BDH1: variants seen among roughly 807,000 people sequenced by gnomAD.
BDH1 encodes 3-hydroxybutyrate dehydrogenase 1.
BDH1 carries 30 observed loss-of-function variants against 33.1 expected under a neutral mutation model. The ratio of observed to expected loss-of-function variants is 0.91; its 90% CI spans 0.68 to 1.23. BDH1 has a LOEUF of 1.23. Ranked by LOEUF, BDH1 falls within the 50% of genes most tolerant of loss-of-function variation. The pLI is 0.00. For missense variants in BDH1, 443 were observed against 464.4 expected, an observed-to-expected ratio of 0.95 and a Z score of 0.42; for synonymous variants, 190 against 183.6, an observed-to-expected ratio of 1.03 and a Z score of -0.28.
intron 3 of BDH1, among the ~76,000 whole-genome samples, chr3:197,535,336 A>G (rs978494012): frequency 2.6e-5 from 4 of 152,212 alleles, no homozygotes; most frequent in Non-Finnish European, 4.4e-5. Flanking sequence ...CATATGTGGT[A>G]GGCAAAATTT....
chr3:197,563,637 T>C (rs1717338123), intron 1 of BDH1, among the ~76,000 whole-genome samples: 1 of 152,190 alleles, frequency 6.6e-6, no homozygotes, highest in African/African-American at 2.4e-5. Flanking sequence ...AATTAAGTAA[T>C]AGATATTTCA....
At chr3:197,553,635 G>C (rs1313199897) in intron 2 of BDH1, among the ~76,000 whole-genome samples, 2 of 152,106 alleles carry the variant, frequency 1.3e-5, no homozygotes, top group East Asian at 1.9e-4. Context: ...GGATGGACTA[G>C]AGCAGAAGCA....
chr3:197,511,779 G>A lies in BDH1; in HGVS notation c.*116C>T. 9.7e-7 allele frequency: 1 copy of A among 1,033,892 alleles called. No individual in the cohort carries two copies. The highest frequency in any genetic ancestry group is 1.4e-6 in the Non-Finnish European group (1 of 716,472). The allele number at this position is 1,033,892 out of a possible 1,614,324, so 64.0% of individuals were successfully genotyped here. Reference sequence around the variant, plus strand: ...CTAGTTAGTGTTAAAACCAGTTATGGGTCTTCCTGGCATGGTGGATAATCC... The same window carrying A: ...CTAGTTAGTGTTAAAACCAGTTATGAGTCTTCCTGGCATGGTGGATAATCC... On this transcript the variant is annotated 3_prime_UTR_variant, in exon 8 of 8. Coordinates refer to ENST00000392379, the MANE Select transcript of BDH1 (RefSeq NM_203314.3).
Position 197,525,436 on chromosome 3 carries a change from A to G in BDH1, c.268-2655T>C, listed in dbSNP as rs964312402. Among the ~76,000 whole-genome samples, 1 of 152,200 alleles carries G rather than the reference A, an allele frequency of 6.6e-6. No individual in the cohort carries two copies. The highest frequency in any genetic ancestry group is 1.5e-5 in the Non-Finnish European group (1 of 68,036). On this transcript the variant is annotated intron_variant, in intron 5 of 7. Transcript: ENST00000392379. This position sits in a 1 kb window ranked among gnomAD's most constrained non-coding sequence, Gnocchi z 4.9. ...CTCTCTGGTGCCCCTACACAGCATCACGACAAGGTCCCTGCAGTCCTCAGG... is the reference window on the plus strand; with the variant it reads ...CTCTCTGGTGCCCCTACACAGCATCGCGACAAGGTCCCTGCAGTCCTCAGG...
rs915247384 is a variant in BDH1, at chr3:197,520,653, C to T, written c.409+1987G>A. On this transcript the variant is annotated intron_variant, in intron 6 of 7. Transcript: ENST00000392379. The surrounding 1 kb of genome is among the most constrained non-coding windows in gnomAD (Gnocchi z 6.0). Reference sequence around the variant, plus strand: ...GCATTTTAGATCACCACAAAACCCACGCTATAATCAAGTGGCTTTATGGTG... The same window carrying T: ...GCATTTTAGATCACCACAAAACCCATGCTATAATCAAGTGGCTTTATGGTG... Among the ~76,000 whole-genome samples the T allele has an allele frequency of 1.3e-5, 2 of 152,204 alleles. No individual in the cohort carries two copies. The highest frequency in any genetic ancestry group is 4.8e-5 in the African/African-American group (2 of 41,452).
Position 197,522,730 on chromosome 3 carries a change from A to G in BDH1, c.319T>C (p.Leu107=), listed in dbSNP as rs767759429. The change falls in exon 6 of 8, where the codon TTG becomes CTG. Residue 107 remains leucine, a synonymous_variant. Coordinates refer to ENST00000392379, the MANE Select transcript of BDH1 (RefSeq NM_203314.3). The surrounding 1 kb of genome is among the most constrained non-coding windows in gnomAD (Gnocchi z 4.8). ...KELDSLNSDR[L]RTVQLNVCSS... is the part of the protein sequence containing the mutation. The stretch of plus-strand genomic sequence containing the variant: ...CAGACATTGAGCTGGACGGTTCTCA[A>G]TCGGTCACTGTTTAGGCTGTCCAGC... 2.4e-5 allele frequency: 39 copies of G among 1,614,004 alleles called. No homozygotes were observed. The highest frequency in any genetic ancestry group is 3.0e-5 in the Non-Finnish European group (35 of 1,180,022).
intron 3 of BDH1, 22 bp downstream of exon 3, chr3:197,546,336 GCCA>G (rs763580766): frequency 6.2e-7 from 1 of 1,612,648 alleles, no homozygotes; most frequent in Admixed American, 1.7e-5. Context: ...TCCCCTCAAG[GCCA>G]CCACCACCTC....
chr3:197,526,908 G>C lies in BDH1; in HGVS notation c.268-4127C>G, dbSNP rs1251619709. On this transcript the variant is annotated intron_variant, in intron 5 of 7. Transcript: ENST00000392379. The surrounding 1 kb of genome is among the most constrained non-coding windows in gnomAD (Gnocchi z 4.7). ...TTCAAGAACTTGGAGAAGTCCAGAA[G>C]CTCTCCAAGGCATTCATATGAAGCC... is the stretch of plus-strand genomic sequence containing the variant. Among the ~76,000 whole-genome samples the C allele has an allele frequency of 6.6e-6, 1 of 152,180 alleles. No individual in the cohort carries two copies. Among genetic ancestry groups the C allele is most frequent in the Non-Finnish European group, 1.5e-5 (1 of 68,026 alleles).
upstream of BDH1, among the ~76,000 whole-genome samples, chr3:197,559,300 T>C (rs1451440669): frequency 2.6e-5 from 4 of 152,146 alleles, no homozygotes; most frequent in Non-Finnish European, 5.9e-5. Flanking sequence ...ATGCTCAGCT[T>C]CAACTGAACT....
In BDH1 at chr3:197,554,196, C is replaced by A. The variant is rs146027929; in HGVS notation, c.-44+366G>T. Among the ~76,000 whole-genome samples, 184 of 152,318 alleles carry A rather than the reference C, an allele frequency of 1.2e-3. No homozygotes were observed. Among genetic ancestry groups the A allele is most frequent in the South Asian group, 2.9e-3 (14 of 4,826 alleles). ...ACTCTCCCGAGCAGCCTTTTCTAAT[C>A]CCCTAATTCAAAAATCTTTCGCCCA... On this transcript the variant is annotated intron_variant, in intron 2 of 7. Coordinates refer to ENST00000392379, the MANE Select transcript of BDH1 (RefSeq NM_203314.3). The surrounding 1 kb of genome is among the most constrained non-coding windows in gnomAD (Gnocchi z 4.4).
rs1474903230 is a variant in BDH1 at position 197,514,738 on chromosome 3, C to T, written c.410-322G>A. 1.3e-5 allele frequency among the ~76,000 whole-genome samples: 2 copies of T among 152,194 alleles called. No homozygotes were observed. The highest frequency in any genetic ancestry group is 2.4e-5 in the African/African-American group (1 of 41,448). ...ACCTCACCTCAAATTCCCACTTCCA[C>T]TCCACTCCACCCCATCCCATCCCCA... On this transcript the variant is annotated intron_variant, in intron 6 of 7. Coordinates refer to ENST00000392379, the MANE Select transcript of BDH1 (RefSeq NM_203314.3). The surrounding 1 kb of genome is among the most constrained non-coding windows in gnomAD (Gnocchi z 4.2).
chr3:197,562,394 A>G (rs1717294872), intron 1 of BDH1, among the ~76,000 whole-genome samples: 2 of 152,186 alleles, frequency 1.3e-5, no homozygotes, highest in African/African-American at 4.8e-5. Flanking sequence ...CAAATGAGAA[A>G]CTGAGTTTTC....
At chr3:197,558,292 CAT>C (rs1313881051), upstream of BDH1, among the ~76,000 whole-genome samples, 1 of 152,234 alleles carries the variant, frequency 6.6e-6, no homozygotes, top group African/African-American at 2.4e-5. Flanking sequence ...CACTCTGACA[CAT>C]GAGTAAACCT....
chr3:197,542,060 C>T (rs928462562), intron 3 of BDH1, among the ~76,000 whole-genome samples: 28 of 152,274 alleles, frequency 1.8e-4, no homozygotes, highest in Admixed American at 1.8e-3. Context: ...GGCCAATAGG[C>T]TGCAAGCGGA....
chr3:197,530,235 C>T (rs1029925390), intron 5 of BDH1: 9 of 152,256 alleles, frequency 5.9e-5, no homozygotes, highest in South Asian at 2.1e-4. Context: ...TGGAAATAGG[C>T]ACTCATGCAC....
chr3:197,559,471 T>C (rs140584797), upstream of BDH1, among the ~76,000 whole-genome samples: 1,169 of 152,356 alleles, frequency 7.7e-3, 20 homozygotes, highest in African/African-American at 0.027. Context: ...AACTGTGTGA[T>C]TCATGAACTC....
intron 3 of BDH1, chr3:197,543,117 AC>A (rs1181601509): frequency 9.1e-6 from 9 of 985,274 alleles, no homozygotes; most frequent in Non-Finnish European, 1.1e-5. Flanking sequence ...AGAAACAATA[AC>A]CAGTAACCCA....
intron 4 of BDH1, 105 bp downstream of exon 4, chr3:197,533,384 T>A: frequency 8.2e-7 from 1 of 1,220,442 alleles, no homozygotes; most frequent in Non-Finnish European, 1.2e-6. Context: ...CCCAGTGTCC[T>A]GGAAACACTA....
At chr3:197,559,727 C>T (rs565132619), upstream of BDH1, among the ~76,000 whole-genome samples, 2 of 152,374 alleles carry the variant, frequency 1.3e-5, no homozygotes, top group South Asian at 4.1e-4. Flanking sequence ...CACGAGTGAA[C>T]TCTGACACAG....
Sources: gnomAD v4.1 joint callset for allele counts (sites outside exome capture counted in the v4.1 genomes callset) on GRCh38, gnomAD v4.1.1 for gene constraint, Gnocchi (gnomAD v3.1) non-coding constraint, MANE v1.5 for transcripts, NCBI Gene and HGNC (gene_info 2026-07-23, HGNC 2026-07-21) for gene names.